Variants in CHRM2 observed in about 807,000 individuals in gnomAD.
The protein encoded by CHRM2 is cholinergic receptor muscarinic 2, also known as muscarinic acetylcholine receptor M2.
CHRM2 carries 8 observed loss-of-function variants against 25.0 expected under a neutral mutation model. The ratio of observed to expected loss-of-function variants is 0.32; its 90% CI spans 0.19 to 0.58. The LOEUF (loss-of-function observed/expected upper bound fraction) is 0.58, where lower values mean the gene tolerates loss of function less well. CHRM2 is among the 20% of genes least tolerant of loss of function. The pLI is 0.88. For synonymous variants in CHRM2, 202 were observed against 205.7 expected (o/e 0.98, Z 0.15); for missense variants, 440 against 567.1 (o/e 0.78, Z 2.28).
intron 2 of CHRM2, among the ~76,000 whole-genome samples, chr7:136,904,943 T>A (rs1466809278): frequency 6.6e-6 from 1 of 151,930 alleles, no homozygotes. Flanking sequence ...TTAGAGTGAG[T>A]ATATTTACAT....
intron 2 of CHRM2, among the ~76,000 whole-genome samples, chr7:136,980,135 T>C (rs1280287228): frequency 6.6e-6 from 1 of 152,176 alleles, no homozygotes; most frequent in Non-Finnish European, 1.5e-5. Context: ...CAGTGGTTTG[T>C]AGTTCTCCTT....
At chr7:136,986,382 T>C (rs1802856690) in intron 2 of CHRM2, among the ~76,000 whole-genome samples, 1 of 152,200 alleles carries the variant, frequency 6.6e-6, no homozygotes, top group African/African-American at 2.4e-5. Context: ...CCAAGTAATA[T>C]GCTTATAGGC....
intron 2 of CHRM2, among the ~76,000 whole-genome samples, chr7:136,896,763 G>C (rs1209105706): frequency 6.6e-6 from 1 of 152,146 alleles, no homozygotes; most frequent in Non-Finnish European, 1.5e-5. Flanking sequence ...ACTAGAGAAA[G>C]ATAGGGGAAG....
chr7:137,000,702 AT>A (rs1803975162), intron 3 of CHRM2, among the ~76,000 whole-genome samples: 1 of 151,466 alleles, frequency 6.6e-6, no homozygotes, highest in African/African-American at 2.4e-5. Context: ...TTACCATCAC[AT>A]TATAAAATAG....
rs180955277 is a variant in CHRM2 at position 136,895,350 on chromosome 7, G to A, written c.-125+25932G>A. 4.6e-5 allele frequency among the ~76,000 whole-genome samples: 7 copies of A among 152,200 alleles called. No homozygotes were observed. The East Asian group carries it at 1.4e-3, about 29-fold the overall frequency. On this transcript the variant is annotated intron_variant, in intron 2 of 3. Coordinates refer to ENST00000680005, the MANE Select transcript of CHRM2 (RefSeq NM_001006630.2). Reference sequence around the variant, plus strand: ...AATAAAATGTAATTTGAAATCCTCAGGTTTTAGCAATTCAGTTACCCAATT... The same window carrying A: ...AATAAAATGTAATTTGAAATCCTCAAGTTTTAGCAATTCAGTTACCCAATT...
At chr7:136,925,037 A>G (rs1473548165) in intron 2 of CHRM2, among the ~76,000 whole-genome samples, 1 of 152,182 alleles carries the variant, frequency 6.6e-6, no homozygotes, top group Non-Finnish European at 1.5e-5. Context: ...GGTGCTATAG[A>G]AGATAAAATA....
intron 2 of CHRM2, among the ~76,000 whole-genome samples, chr7:136,916,881 T>C (rs1798146470): frequency 6.6e-6 from 1 of 151,726 alleles, no homozygotes; most frequent in Non-Finnish European, 1.5e-5. Flanking sequence ...TGAATGAATA[T>C]GTGTATACTT....
intron 3 of CHRM2, among the ~76,000 whole-genome samples, chr7:137,002,479 G>A (rs1438799836): frequency 6.6e-6 from 1 of 152,112 alleles, no homozygotes; most frequent in Non-Finnish European, 1.5e-5. Context: ...GCAAAAGTAA[G>A]TTTAGATTTA....
chr7:136,966,621 C>T (rs1801431124), intron 2 of CHRM2, among the ~76,000 whole-genome samples: 1 of 151,744 alleles, frequency 6.6e-6, no homozygotes, highest in Non-Finnish European at 1.5e-5. Context: ...TCATTTTGTA[C>T]AATATTCTAT....
intron 2 of CHRM2, among the ~76,000 whole-genome samples, chr7:136,933,687 AATAG>A (rs377450606): frequency 5.1e-4 from 77 of 152,358 alleles, no homozygotes; most frequent in East Asian, 2.7e-3. Flanking sequence ...TTAACTGATG[AATAG>A]ATAAACAAAA....
intron 2 of CHRM2, among the ~76,000 whole-genome samples, chr7:136,955,226 C>T (rs1162608356): frequency 6.6e-6 from 1 of 152,106 alleles, no homozygotes; most frequent in Non-Finnish European, 1.5e-5. Flanking sequence ...CCTTTACTAG[C>T]CAAAGTATTT....
chr7:136,922,842 C>T (rs1334643948), intron 2 of CHRM2, among the ~76,000 whole-genome samples: 2 of 152,108 alleles, frequency 1.3e-5, no homozygotes, highest in Non-Finnish European at 2.9e-5. Context: ...TTATGCTGAC[C>T]TAGCCTGAGA....
At chr7:136,958,944 A>G (rs141833567) in intron 2 of CHRM2, among the ~76,000 whole-genome samples, 2 of 152,306 alleles carry the variant, frequency 1.3e-5, no homozygotes, top group African/African-American at 4.8e-5. Context: ...ATTTGAGCAT[A>G]TGCCCCTCGG....
rs1466805819 is a variant in CHRM2, at chr7:136,966,006, AACCAAGT to A, written c.-124-26176_-124-26170del. Among the ~76,000 whole-genome samples the A allele has an allele frequency of 3.9e-5, 6 of 152,092 alleles. No individual in the cohort carries two copies. In the East Asian group the frequency reaches 1.2e-3, roughly 29 times the overall value. ...TCCCTTTAGAATATGCTATAATATTAACCAAGTACCAGAGGGAGACAGAACTCTGATA... is the reference window on the plus strand; with the variant it reads ...TCCCTTTAGAATATGCTATAATATTAACCAGAGGGAGACAGAACTCTGATA... On this transcript the variant is annotated intron_variant, in intron 2 of 3. Transcript: ENST00000680005.
At chr7:136,901,300 G>A (rs1797193339) in intron 2 of CHRM2, among the ~76,000 whole-genome samples, 1 of 152,082 alleles carries the variant, frequency 6.6e-6, no homozygotes, top group Admixed American at 6.6e-5. Flanking sequence ...TGCAGTTCTA[G>A]CTGCATTCCA....
chr7:136,938,257 CT>C, intron 2 of CHRM2: 1 of 859,520 alleles, frequency 1.2e-6, no homozygotes, highest in South Asian at 1.3e-5. Context: ...GCTTCAGAAA[CT>C]TTTAAAAGAA....
intron 2 of CHRM2, among the ~76,000 whole-genome samples, chr7:136,920,477 C>T (rs532135249): frequency 5.2e-4 from 79 of 152,228 alleles, no homozygotes; most frequent in African/African-American, 1.7e-3. Flanking sequence ...TGAATTTATA[C>T]TGACCACATT....
chr7:136,949,459 TAAAA>T (rs386411435), intron 2 of CHRM2, among the ~76,000 whole-genome samples: 5 of 120,854 alleles, frequency 4.1e-5, no homozygotes, highest in African/African-American at 1.3e-4. Context: ...TCTGCAAAAC[TAAAA>T]AAAAAAAAAA....
At chr7:136,885,094 A>G (rs1348882816) in intron 2 of CHRM2, among the ~76,000 whole-genome samples, 2 of 152,240 alleles carry the variant, frequency 1.3e-5, no homozygotes, top group Non-Finnish European at 2.9e-5. Context: ...CTGAAAGCTA[A>G]CTTGCTTCAA....
Sources: allele counts gnomAD v4.1 joint callset (sites outside exome capture counted in the v4.1 genomes callset), GRCh38; gene constraint gnomAD v4.1.1; transcripts MANE v1.5; gene names NCBI Gene and HGNC (gene_info 2026-07-23, HGNC 2026-07-21).